Variants in CFAP161 observed in about 807,000 individuals in gnomAD.
CFAP161 encodes the protein cilia- and flagella-associated protein 161.
A neutral mutation model predicts 29.0 loss-of-function variants in CFAP161; 25 were observed. The ratio of observed to expected loss-of-function variants is 0.86; its 90% CI spans 0.63 to 1.20. CFAP161 has a LOEUF of 1.20. Ranked by LOEUF, CFAP161 falls within the 50% of genes most tolerant of loss-of-function variation. The pLI is 0.00. For synonymous variants in CFAP161, 116 were observed against 137.4 expected, an observed-to-expected ratio of 0.84 and a Z score of 1.09; for missense variants, 367 against 371.9, an observed-to-expected ratio of 0.99 and a Z score of 0.11.
At chr15:81,122,037 G>T (rs1026505908) in intron 1 of CFAP161, among the ~76,000 whole-genome samples, 1 of 152,170 alleles carries the variant, frequency 6.6e-6, no homozygotes, top group Non-Finnish European at 1.5e-5. Context: ...CCCTGCAGAG[G>T]ACATGATCTC....
chr15:81,143,309 T>TCAAAACAAAA (rs200583269), intron 4 of CFAP161, among the ~76,000 whole-genome samples: 11 of 152,202 alleles, frequency 7.2e-5, no homozygotes, highest in South Asian at 2.1e-4. Context: ...AGACCCTGTC[T>TCAAAACAAAA]CAAAACAAAA....
chr15:81,133,221 A>C (rs12708530), upstream of CFAP161, among the ~76,000 whole-genome samples: 1 of 32,490 alleles, frequency 3.1e-5, no homozygotes, highest in East Asian at 6.4e-4. Flanking sequence ...ATATATATAT[A>C]TATGTATTTT....
intron 5 of CFAP161, among the ~76,000 whole-genome samples, chr15:81,145,581 T>G (rs1192202319): frequency 6.6e-6 from 1 of 152,048 alleles, no homozygotes; most frequent in Non-Finnish European, 1.5e-5. Flanking sequence ...GCACCAGGAG[T>G]TCTTTTCTCC....
chr15:81,136,264 T>G (rs973475627), intron 2 of CFAP161, among the ~76,000 whole-genome samples: 7 of 152,242 alleles, frequency 4.6e-5, no homozygotes, highest in African/African-American at 1.7e-4. Flanking sequence ...AATTTTTCAA[T>G]GAATGTTGAA....
intron 4 of CFAP161, among the ~76,000 whole-genome samples, chr15:81,141,788 G>A (rs575818273): frequency 3.2e-4 from 49 of 151,820 alleles, no homozygotes; most frequent in Middle Eastern, 3.4e-3. Flanking sequence ...GGGTTCAAGC[G>A]ATTCTCATGC....
At chr15:81,142,749 A>T (rs991064182) in intron 4 of CFAP161, among the ~76,000 whole-genome samples, 10 of 152,224 alleles carry the variant, frequency 6.6e-5, no homozygotes, top group Non-Finnish European at 1.5e-4. Context: ...AAATATGCAG[A>T]AACTACCTCC....
chr15:81,119,797 T>TG (rs2141868059), intron 1 of CFAP161, among the ~76,000 whole-genome samples: 1 of 152,302 alleles, frequency 6.6e-6, no homozygotes, highest in African/African-American at 2.4e-5. Flanking sequence ...GCCCCCATGG[T>TG]GGTTCATGCT....
At chr15:81,114,170 G>T (rs1894469182) in intron 1 of CFAP161, among the ~76,000 whole-genome samples, 1 of 152,130 alleles carries the variant, frequency 6.6e-6, no homozygotes, top group Non-Finnish European at 1.5e-5. Context: ...GAGATAACGT[G>T]GGTTTGTTTC....
At chr15:81,146,833 TA>T (rs1187851292) in intron 5 of CFAP161, among the ~76,000 whole-genome samples, 1 of 11,054 alleles carries the variant, frequency 9.0e-5, no homozygotes, top group East Asian at 4.5e-3. Flanking sequence ...TAGCTACAAA[TA>T]TATATATATA....
chr15:81,134,308 A>T lies in CFAP161; in HGVS notation c.-22A>T. 6.3e-7 allele frequency: 1 copy of T among 1,575,228 alleles called. No homozygotes were observed. The highest frequency in any genetic ancestry group is 1.2e-5 in the South Asian group (1 of 85,626). Reference sequence around the variant, plus strand: ...AACGCATGGTGTCGGAGGGAGGCCCACTTGCTGAACAGCAGGGAGCGATGG... The same window carrying T: ...AACGCATGGTGTCGGAGGGAGGCCCTCTTGCTGAACAGCAGGGAGCGATGG... On this transcript the variant is annotated 5_prime_UTR_variant, in exon 1 of 7. Coordinates refer to ENST00000286732, the MANE Select transcript of CFAP161 (RefSeq NM_173528.4).
intron 1 of CFAP161, among the ~76,000 whole-genome samples, chr15:81,108,461 A>G (rs1296893140): frequency 6.6e-6 from 1 of 152,160 alleles, no homozygotes; most frequent in East Asian, 1.9e-4. Context: ...CAAAAAGTCA[A>G]GTGACATTAA....
chr15:81,117,175 A>G (rs982015635), intron 1 of CFAP161, among the ~76,000 whole-genome samples: 2 of 152,104 alleles, frequency 1.3e-5, no homozygotes, highest in African/African-American at 2.4e-5. Flanking sequence ...AATCTTGGTA[A>G]TATAACCAAT....
chr15:81,138,252 C>A, intron 4 of CFAP161, 117 bp downstream of exon 4: 1 of 805,782 alleles, frequency 1.2e-6, no homozygotes, highest in Non-Finnish European at 2.0e-6. Flanking sequence ...CCACCTCTGA[C>A]TTCACTATGG....
chr15:81,126,999 G>T (rs778703029), intron 1 of CFAP161, among the ~76,000 whole-genome samples: 12 of 152,124 alleles, frequency 7.9e-5, no homozygotes, highest in South Asian at 6.2e-4. Flanking sequence ...AATAAAGACC[G>T]TTCGAACTCT....
At chr15:81,130,027 A>G (rs541985215), upstream of CFAP161, among the ~76,000 whole-genome samples, 1 of 151,100 alleles carries the variant, frequency 6.6e-6, no homozygotes, top group South Asian at 2.1e-4. Context: ...GATCCTCTGG[A>G]TAACTTGGTG....
At chr15:81,146,071 G>A (rs1895000821) in intron 5 of CFAP161, among the ~76,000 whole-genome samples, 1 of 152,230 alleles carries the variant, frequency 6.6e-6, no homozygotes, top group Non-Finnish European at 1.5e-5. Context: ...GCCAATGTTT[G>A]TGTTTTGTGT....
Position 81,147,890 on chromosome 15 carries a change from C to T in CFAP161, c.669C>T (p.His223=). The change falls in exon 6 of 7, where the codon CAC becomes CAT. Residue 223 remains histidine, a synonymous_variant. Coordinates refer to ENST00000286732, the MANE Select transcript of CFAP161 (RefSeq NM_173528.4). The part of the protein sequence containing the change: ...ANAKILINHC[H]TNRGLAAHRH... ...CTAAAATTCTCATCAATCACTGTCA[C>T]ACAAATCGGGGACTGGCAGCCCACC... The T allele has an allele frequency of 6.2e-7, 1 of 1,611,722 alleles. No individual in the cohort carries two copies. The highest frequency in any genetic ancestry group is 2.2e-5 in the East Asian group (1 of 44,836).
intron 4 of CFAP161, among the ~76,000 whole-genome samples, chr15:81,140,036 TTCTC>T (rs1894880187): frequency 6.6e-6 from 1 of 152,242 alleles, no homozygotes; most frequent in South Asian, 2.1e-4. Flanking sequence ...ATCTCTTCCT[TTCTC>T]TCTCGCTTCT....
At chr15:81,142,065 C>G (rs1395098492) in intron 4 of CFAP161, among the ~76,000 whole-genome samples, 1 of 151,994 alleles carries the variant, frequency 6.6e-6, no homozygotes, top group East Asian at 1.9e-4. Flanking sequence ...CTATCTTGGG[C>G]CCATCTCCCT....
Sources: gnomAD v4.1 joint callset for allele counts (sites outside exome capture counted in the v4.1 genomes callset) on GRCh38, gnomAD v4.1.1 for gene constraint, MANE v1.5 for transcripts, NCBI Gene and HGNC (gene_info 2026-07-23, HGNC 2026-07-21) for gene names.